Variants in RMDN3 observed in about 807,000 individuals in gnomAD.
RMDN3 encodes regulator of microtubule dynamics 3, also known as regulator of microtubule dynamics protein 3.
A neutral mutation model predicts 61.8 loss-of-function variants in RMDN3; 41 were observed. That is an observed-to-expected ratio of 0.66 (90% CI 0.52 to 0.86). The LOEUF is 0.86. Among genes scored for constraint, RMDN3 ranks in the 40% least tolerant of loss-of-function variants. The pLI is 0.00. For missense variants in RMDN3, 557 were observed against 585.3 expected (o/e 0.95, Z 0.50); for synonymous variants, 247 against 232.0 (o/e 1.06, Z -0.59).
In RMDN3 at chr15:40,738,108, C is replaced by T. The variant is rs150376012; in HGVS notation, c.1048-66G>A. 1,047 of 1,517,186 alleles carry T rather than the reference C, an allele frequency of 6.9e-4. 1 individual carries two copies. Among genetic ancestry groups the T allele is most frequent in the Non-Finnish European group, 6.9e-4 (756 of 1,092,768 alleles). 94.0% of individuals were successfully genotyped at this position (1,517,186 alleles called of 1,614,324 possible). ...GAGTTGCTAAAAGAGAGGCAAGGGC[C>T]GGATGCAGTGGCTCATGCCTGTAAT... On this transcript the variant is annotated intron_variant, in intron 8 of 12. Transcript: ENST00000338376.
intron 4 of RMDN3, 100 bp from the exon 5 acceptor site, chr15:40,745,359 G>T: frequency 1.8e-6 from 2 of 1,141,680 alleles, no homozygotes; most frequent in Non-Finnish European, 2.5e-6. Flanking sequence ...ACATGGCATT[G>T]TCCAAAGCAC....
At position 40,736,366 on chromosome 15, in the gene RMDN3, A is replaced by G; in HGVS notation, c.*175T>C. On this transcript the variant is annotated 3_prime_UTR_variant, in exon 13 of 13. Coordinates refer to ENST00000338376, the MANE Select transcript of RMDN3 (RefSeq NM_018145.3). ...AAGCCATGAGTACTGCCCCAATTCT[A>G]GATTAGGTTAGAGGTTAGAATAAAT... is the stretch of plus-strand genomic sequence containing the variant. 3.4e-6 allele frequency: 2 copies of G among 594,794 alleles called. No individual in the cohort carries two copies. The allele number at this position is 594,794 out of a possible 1,614,324, so 36.8% of individuals were successfully genotyped here. A position where few individuals can be genotyped will look rare whatever the true frequency, so the allele number is the denominator to read the frequency against.
intron 4 of RMDN3, among the ~76,000 whole-genome samples, chr15:40,749,762 T>C (rs1296559089): frequency 2.0e-5 from 3 of 152,322 alleles, no homozygotes; most frequent in Admixed American, 6.5e-5. Flanking sequence ...TTTTGCCCCC[T>C]CTTTAACACA....
chr15:40,737,570 C>T (rs747834784), intron 10 of RMDN3, 58 bp downstream of exon 10: 310 of 1,484,792 alleles, frequency 2.1e-4, no homozygotes, highest in Non-Finnish European at 2.6e-4. Flanking sequence ...TCAATAATGT[C>T]CTTAGGAAAA....
At chr15:40,743,361 C>T (rs1897356974) in intron 6 of RMDN3, among the ~76,000 whole-genome samples, 1 of 151,392 alleles carries the variant, frequency 6.6e-6, no homozygotes, top group South Asian at 2.1e-4. Flanking sequence ...GTGGAGGTTG[C>T]AGTCAGCCGA....
rs781216400 is a variant in RMDN3, at chr15:40,740,173, C to G, written c.931G>C (p.Ala311Pro). The G allele has an allele frequency of 9.9e-6, 16 of 1,611,940 alleles. No homozygotes were observed. Among genetic ancestry groups the G allele is most frequent in the Non-Finnish European group, 1.3e-5 (15 of 1,178,448 alleles). Residue 311 changes from alanine (A) to proline (P), a missense_variant, in exon 7 of 13, where the codon GCT (alanine) becomes CCT (proline). Coordinates refer to ENST00000338376, the MANE Select transcript of RMDN3 (RefSeq NM_018145.3). Reference protein sequence around the residue: ...ALDGKEEAEAALEKGDESADC... With the variant: ...ALDGKEEAEAPLEKGDESADC... Reference sequence around the variant, plus strand: ...GCACTCTCATCCCCCTTCTCCAGAGCAGCCTCTGCTTCTTCTTTTCCTGTA... The same window carrying G: ...GCACTCTCATCCCCCTTCTCCAGAGGAGCCTCTGCTTCTTCTTTTCCTGTA...
chr15:40,745,010 C>T lies in RMDN3; in HGVS notation c.774G>A (p.Glu258=). The change falls in exon 5 of 13, where the codon GAG becomes GAA. Residue 258 remains glutamate, a synonymous_variant. Coordinates refer to ENST00000338376, the MANE Select transcript of RMDN3 (RefSeq NM_018145.3). The stretch of plus-strand genomic sequence containing the variant: ...TGTTGTTGAGCAGCAGCTGGAAGCC[C>T]TCCCGCTTGCCTTGCTCATCACCCC... ...LHRGDEQGKR[E]GFQLLLNNKL... 1 of 1,609,466 alleles carries T rather than the reference C, an allele frequency of 6.2e-7. No individual in the cohort carries two copies. Among genetic ancestry groups the T allele is most frequent in the Non-Finnish European group, 8.5e-7 (1 of 1,176,426 alleles).
intron 4 of RMDN3, among the ~76,000 whole-genome samples, chr15:40,750,611 C>T (rs1315181148): frequency 2.0e-5 from 3 of 152,178 alleles, no homozygotes; most frequent in African/African-American, 7.2e-5. Flanking sequence ...ACCACCACAC[C>T]TGGACTGATT....
intron 4 of RMDN3, among the ~76,000 whole-genome samples, chr15:40,750,539 C>T (rs953268057): frequency 6.6e-6 from 1 of 152,000 alleles, no homozygotes; most frequent in Non-Finnish European, 1.5e-5. Context: ...TGGTCTCAAG[C>T]TCCTGAACTC....
chr15:40,737,873 A>G, intron 9 of RMDN3, 92 bp downstream of exon 9: 2 of 1,509,138 alleles, frequency 1.3e-6, no homozygotes, highest in Non-Finnish European at 9.2e-7. Context: ...CACCTGAGCC[A>G]GAGAAGGCTG....
chr15:40,744,694 T>C (rs1230241450), intron 5 of RMDN3, among the ~76,000 whole-genome samples: 1 of 151,634 alleles, frequency 6.6e-6, no homozygotes, highest in Non-Finnish European at 1.5e-5. Flanking sequence ...GGTAGAGCTC[T>C]TTCTGCAGTA....
chr15:40,738,985 C>T (rs1426836030), intron 7 of RMDN3: 1 of 169,288 alleles, frequency 5.9e-6, no homozygotes, highest in Non-Finnish European at 1.3e-5. Flanking sequence ...AAGTGGGTCT[C>T]ATTAGCCTTT....
intron 7 of RMDN3, chr15:40,739,744 A>C: frequency 5.2e-6 from 1 of 191,376 alleles, no homozygotes; most frequent in Middle Eastern, 2.3e-3. Flanking sequence ...CCAAGCAAAG[A>C]AGCCAAAGTA....
chr15:40,744,063 C>A lies in RMDN3; in HGVS notation c.894G>T (p.Lys298Asn), dbSNP rs1208657420. ...CELTEEVSEK[K>N]SYALDGKEEA... The stretch of plus-strand genomic sequence containing the variant: ...AGCACTTACCATCTAGGGCATATGA[C>A]TTCTTCTCGCTCACCTCCTCAGTGA... The change falls in exon 6 of 13, where the codon AAG becomes AAT. Residue 298 changes from lysine to asparagine, a missense_variant. Coordinates refer to ENST00000338376, the MANE Select transcript of RMDN3 (RefSeq NM_018145.3). 2.5e-6 allele frequency: 4 copies of A among 1,612,882 alleles called. No individual in the cohort carries two copies. In the South Asian group the frequency reaches 3.3e-5, roughly 13 times the overall value.
chr15:40,737,423 C>A (rs1897099405), intron 10 of RMDN3, 82 bp from the exon 11 acceptor site: 1 of 1,359,202 alleles, frequency 7.4e-7, no homozygotes, highest in Admixed American at 1.7e-5. Flanking sequence ...GATTTCTAGT[C>A]CCCAACCATG....
At position 40,750,790 on chromosome 15, in the gene RMDN3, A is replaced by G. The variant is rs901783047; in HGVS notation, c.524+636T>C. Among the ~76,000 whole-genome samples the G allele has an allele frequency of 2.6e-5, 4 of 152,244 alleles. No homozygotes were observed. The South Asian group carries it at 6.2e-4, about 24-fold the overall frequency. On this transcript the variant is annotated intron_variant, in intron 4 of 12. Coordinates refer to ENST00000338376, the MANE Select transcript of RMDN3 (RefSeq NM_018145.3). Reference sequence around the variant, plus strand: ...CCTGAATAACTGGAGCTAGCAGCAGATAAGGTCAGATGGGTCAGATGCTGC... The same window carrying G: ...CCTGAATAACTGGAGCTAGCAGCAGGTAAGGTCAGATGGGTCAGATGCTGC...
intron 4 of RMDN3, among the ~76,000 whole-genome samples, chr15:40,748,854 C>T (rs1248893792): frequency 1.3e-5 from 2 of 151,962 alleles, no homozygotes; most frequent in Non-Finnish European, 2.9e-5. Flanking sequence ...CCCACCTCAG[C>T]CTCCCAAAGT....
chr15:40,738,630 G>C, intron 7 of RMDN3, 54 bp from the exon 8 acceptor site: 1 of 1,558,620 alleles, frequency 6.4e-7, no homozygotes, highest in Non-Finnish European at 8.8e-7. Context: ...TCACTGCAAG[G>C]AATGGATGCC....
intron 6 of RMDN3, 149 bp from the exon 7 acceptor site, chr15:40,740,342 AAGGCCGCAAAGAAGCCAGTCAC>A: frequency 1.5e-6 from 1 of 677,746 alleles, no homozygotes; most frequent in Non-Finnish European, 2.7e-6. Flanking sequence ...AGCAGAATGA[AAGGCCGCAAAGAAGCCAGTCAC>A]AGTGGCTCAC....
Sources: gnomAD v4.1 joint callset for allele counts (sites outside exome capture counted in the v4.1 genomes callset) on GRCh38, gnomAD v4.1.1 for gene constraint, MANE v1.5 for transcripts, NCBI Gene and HGNC (gene_info 2026-07-23, HGNC 2026-07-21) for gene names.